The following ADAT1 variants were observed in gnomAD, a reference collection of about 807,000 sequenced individuals.
ADAT1 encodes tRNA-specific adenosine deaminase 1.
A neutral mutation model predicts 58.6 loss-of-function variants in ADAT1; 58 were observed. The observed-to-expected ratio is 0.99, with a 90% CI of 0.80 to 1.23. ADAT1 has a LOEUF of 1.23. Ranked by LOEUF, ADAT1 falls within the 50% of genes most tolerant of loss-of-function variation. The probability of loss-of-function intolerance (pLI) is 0.00; values close to 1 mark genes in which losing one functional copy is unlikely to be tolerated. For missense variants in ADAT1, 741 were observed against 608.6 expected, an observed-to-expected ratio of 1.22 and a Z score of -2.29; for synonymous variants, 254 against 220.8, an observed-to-expected ratio of 1.15 and a Z score of -1.33.
At position 75,618,636 on chromosome 16, in the gene ADAT1, G is replaced by A. The variant is rs2151782644; in HGVS notation, c.243C>T (p.Asp81=). 2 of 1,612,532 alleles carry A rather than the reference G, an allele frequency of 1.2e-6. No homozygotes were observed. Among genetic ancestry groups the A allele is most frequent in the South Asian group, 2.2e-5 (2 of 90,960 alleles). ...CCTCAGCATGGCTATCATTGAGGAT[G>A]TCTCCTGCGGCAAAGATAGGACACC... is the stretch of plus-strand genomic sequence containing the variant. ...IGQSKMRKNG[D]ILNDSHAEVI... is the part of the protein sequence containing the mutation. The change falls in exon 4 of 10, where the codon GAC becomes GAT. Residue 81 remains aspartate (D), a synonymous_variant. Coordinates refer to ENST00000564657, the MANE Select transcript of ADAT1 (RefSeq NM_001324445.2).
intron 3 of ADAT1, chr16:75,619,555 T>A (rs980969070): frequency 2.8e-5 from 12 of 435,856 alleles, no homozygotes; most frequent in African/African-American, 1.5e-4. Context: ...AACAGACAAA[T>A]AAAAACCCCC....
At chr16:75,608,613 T>C (rs1391401315) in intron 7 of ADAT1, among the ~76,000 whole-genome samples, 1 of 152,184 alleles carries the variant, frequency 6.6e-6, no homozygotes, top group Non-Finnish European at 1.5e-5. Context: ...CCCTGATAAA[T>C]GATATTCTTC....
rs1295117518 is a variant in ADAT1 at position 75,623,139 on chromosome 16, C to A, written c.-758G>T. ...CACGTGAAACGCGTCCCGGAAGATA[C>A]GATCCTCACAACCTCTTCCCTCAAA... On this transcript the variant is annotated 5_prime_UTR_variant, in exon 1 of 10. Transcript: ENST00000564657. 6.6e-6 allele frequency: 1 copy of A among 152,302 alleles called. No individual in the cohort carries two copies. Among genetic ancestry groups the A allele is most frequent in the Non-Finnish European group, 1.5e-5 (1 of 68,088 alleles). The allele number at this position is 152,302 out of a possible 1,614,324, so 9.4% of individuals were successfully genotyped here. A position where few individuals can be genotyped will look rare whatever the true frequency, so the allele number is the denominator to read the frequency against.
intron 1 of ADAT1, 143 bp from the exon 2 acceptor site, chr16:75,620,963 T>C: frequency 1.7e-6 from 1 of 598,490 alleles, no homozygotes; most frequent in Admixed American, 3.6e-5. Context: ...CATTTTCTTC[T>C]ACTATCTCCC....
chr16:75,605,879 G>A (rs980294238), intron 8 of ADAT1, among the ~76,000 whole-genome samples: 2 of 147,328 alleles, frequency 1.4e-5, no homozygotes, highest in Admixed American at 1.4e-4. Context: ...AGAGGTTGCA[G>A]TGAGCCAAGA....
At chr16:75,615,480 TAAAAAAAAAAAAAAAA>T (rs56149357) in intron 5 of ADAT1, among the ~76,000 whole-genome samples, 13,704 of 33,060 alleles carry the variant, frequency 0.41, 2,420 homozygotes, top group East Asian at 0.77. Context: ...GTTGATGAGC[TAAAAAAAAAAAAAAAA>T]AAAAAAAAAA....
rs957892272 is a variant in ADAT1 at position 75,623,039 on chromosome 16, T to G, written c.-658A>C. 3 of 137,062 alleles carry G rather than the reference T, an allele frequency of 2.2e-5. No homozygotes were observed. In the Admixed American group the frequency reaches 2.3e-4, roughly 10 times the overall value. The allele number at this position is 137,062 out of a possible 1,614,324, so 8.5% of individuals were successfully genotyped here. On this transcript the variant is annotated 5_prime_UTR_variant, in exon 1 of 10. Transcript: ENST00000564657. ...CGCCTGATCCATTGGGTCCTGCGGC[T>G]GCCAGGCCAGAGGCCCCGCGCCAGG...
At chr16:75,611,178 T>C (rs118092879) in intron 6 of ADAT1, among the ~76,000 whole-genome samples, 1 of 152,008 alleles carries the variant, frequency 6.6e-6, no homozygotes. Context: ...ATAATGGCAA[T>C]GTATGTGCAC....
intron 6 of ADAT1, among the ~76,000 whole-genome samples, chr16:75,609,952 C>T (rs1170403121): frequency 1.3e-5 from 2 of 152,222 alleles, no homozygotes; most frequent in African/African-American, 4.8e-5. Context: ...GATCCTCCCA[C>T]TCCAGCCTCC....
In ADAT1 at chr16:75,598,229, A is replaced by ACC; in HGVS notation, c.*1986_*1987insGG. ...GTAGTTGGGACTATAGGCGTGCGCC[A>ACC]ATACACCTGGCTAATTTTTGTATTT... On this transcript the variant is annotated 3_prime_UTR_variant, in exon 10 of 10. Transcript: ENST00000564657. 2 of 355,576 alleles carry ACC rather than the reference A, an allele frequency of 5.6e-6. No homozygotes were observed. The highest frequency in any genetic ancestry group is 5.6e-6 in the Non-Finnish European group (1 of 179,680). 22.0% of individuals were successfully genotyped at this position (355,576 alleles called of 1,614,324 possible).
At chr16:75,619,816 G>C (rs907249311) in intron 3 of ADAT1, 1 of 331,536 alleles carries the variant, frequency 3.0e-6, no homozygotes, top group African/African-American at 2.2e-5. Context: ...TTAAACCCAG[G>C]AAGGGGAGGT....
At chr16:75,620,406 T>C (rs1402474726) in intron 2 of ADAT1, 72 bp from the exon 3 acceptor site, 19 of 1,536,394 alleles carry the variant, frequency 1.2e-5, no homozygotes, top group Admixed American at 1.7e-5. Flanking sequence ...GTGATCAGCC[T>C]GCACACTCCT....
At chr16:75,619,650 C>T (rs2081865115) in intron 3 of ADAT1, 1 of 455,500 alleles carries the variant, frequency 2.2e-6, no homozygotes, top group African/African-American at 2.0e-5. Context: ...GTGGCTCACA[C>T]CTTTAATCCC....
At chr16:75,617,329 G>A (rs2081766964) in intron 4 of ADAT1, 57 bp from the exon 5 acceptor site, 5 of 1,579,924 alleles carry the variant, frequency 3.2e-6, no homozygotes, top group Non-Finnish European at 4.3e-6. Flanking sequence ...TAAGGGGAAA[G>A]CCTCTGGTTG....
chr16:75,604,456 A>AAAAATATAT (rs1555508674), intron 8 of ADAT1, among the ~76,000 whole-genome samples: 1 of 48,784 alleles, frequency 2.0e-5, no homozygotes, highest in Non-Finnish European at 3.0e-5. Context: ...AAAAAAAAAA[A>AAAAATATAT]ATATATATAT....
chr16:75,612,655 CGTT>C lies in ADAT1; in HGVS notation c.628_630del (p.Asn210del). 6.2e-7 allele frequency: 1 copy of C among 1,614,060 alleles called. No individual in the cohort carries two copies. The highest frequency in any genetic ancestry group is 8.5e-7 in the Non-Finnish European group (1 of 1,180,020). On this transcript the variant is annotated inframe_deletion, in exon 6 of 10. Transcript: ENST00000564657. ...CCAAAACTCTGATGGTGAGCTGCTCCGTTGGTGACCTCCCTGGCTGCAGTCCCA... is the reference window on the plus strand; with the variant it reads ...CCAAAACTCTGATGGTGAGCTGCTCCGGTGACCTCCCTGGCTGCAGTCCCA...
chr16:75,606,013 G>T (rs1230586595), intron 8 of ADAT1, among the ~76,000 whole-genome samples: 1 of 146,474 alleles, frequency 6.8e-6, no homozygotes, highest in Non-Finnish European at 1.5e-5. Flanking sequence ...ATTCTTTTGG[G>T]TTTTTGTTGT....
At chr16:75,619,658 C>A (rs2081865718) in intron 3 of ADAT1, 1 of 455,456 alleles carries the variant, frequency 2.2e-6, no homozygotes, top group Admixed American at 2.4e-5. Context: ...CACCTTTAAT[C>A]CCAGCACTTT....
At chr16:75,613,684 T>C (rs906284224) in intron 5 of ADAT1, among the ~76,000 whole-genome samples, 7 of 152,196 alleles carry the variant, frequency 4.6e-5, no homozygotes, top group East Asian at 1.9e-4. Flanking sequence ...TTTAGCAGCA[T>C]ACCTGGTCTC....
Sources: allele counts gnomAD v4.1 joint callset (sites outside exome capture counted in the v4.1 genomes callset), GRCh38; gene constraint gnomAD v4.1.1; transcripts MANE v1.5; gene names NCBI Gene and HGNC (gene_info 2026-07-23, HGNC 2026-07-21).